The following ANKAR variants were observed in gnomAD, a reference collection of about 807,000 sequenced individuals.
ANKAR encodes the protein ankyrin and armadillo repeat containing, also known as ankyrin and armadillo repeat-containing protein.
Under a neutral mutation model 146.2 loss-of-function variants are expected in ANKAR, and 136 were observed. The observed-to-expected ratio is 0.93, with a 90% CI of 0.81 to 1.07. The LOEUF is 1.07. ANKAR is among the 50% of genes least tolerant of loss of function. ANKAR has a pLI of 0.00. For missense variants in ANKAR, 1,567 were observed against 1,679.9 expected (o/e 0.93, Z 1.18); for synonymous variants, 500 against 575.8 (o/e 0.87, Z 1.88).
At chr2:189,677,841 A>G (rs1339438547) in intron 2 of ANKAR, among the ~76,000 whole-genome samples, 1 of 151,996 alleles carries the variant, frequency 6.6e-6, no homozygotes, top group Non-Finnish European at 1.5e-5. Context: ...TCATTGGTTG[A>G]TGGGCCTTTA....
At position 189,705,130 on chromosome 2, in the gene ANKAR, C is replaced by A; in HGVS notation, c.1816C>A (p.Pro606Thr). 6.2e-7 allele frequency: 1 copy of A among 1,614,090 alleles called. No homozygotes were observed. The highest frequency in any genetic ancestry group is 8.5e-7 in the Non-Finnish European group (1 of 1,180,006). The change falls in exon 8 of 23, where the codon CCG becomes ACG. Residue 606 changes from proline (P) to threonine (T), a missense_variant. Coordinates refer to ENST00000684021, the MANE Select transcript of ANKAR (RefSeq NM_001378068.1). ...GCTTTCTGAAAAAAGAGGCTGGATGCCGATTCACTTTGCCGCTTTCTATGA... is the reference window on the plus strand; with the variant it reads ...GCTTTCTGAAAAAAGAGGCTGGATGACGATTCACTTTGCCGCTTTCTATGA... ...YTLSEKRGWM[P>T]IHFAAFYDNV...
At chr2:189,728,928 C>A in intron 15 of ANKAR, 107 bp downstream of exon 15, 1 of 1,089,150 alleles carries the variant, frequency 9.2e-7, no homozygotes, top group Non-Finnish European at 1.3e-6. Context: ...CTGTTTGAGC[C>A]CTAAATGGTA....
chr2:189,676,334 A>T lies in ANKAR; in HGVS notation c.-35-122A>T, dbSNP rs1024197188. 4.4e-5 allele frequency: 38 copies of T among 864,852 alleles called. No homozygotes were observed. In the African/African-American group the frequency reaches 6.1e-4, roughly 14 times the overall value. The allele number at this position is 864,852 out of a possible 1,614,324, so 53.6% of individuals were successfully genotyped here. A position where few individuals can be genotyped will look rare whatever the true frequency, so the allele number is the denominator to read the frequency against. ...CAGTTATTTTTAATTTGAAAACTAT[A>T]ATGGTTGACCATGAAAAATTAATCT... On this transcript the variant is annotated intron_variant, in intron 1 of 22. Coordinates refer to ENST00000684021, the MANE Select transcript of ANKAR (RefSeq NM_001378068.1).
rs140587096 is a variant in ANKAR at position 189,746,581 on chromosome 2, T to C, written c.4259T>C (p.Leu1420Pro). ...CCAAGAATAGTGTGTTTGAACCAAC[T>C]TGGGAAACATGTCCAGAAAGCCAAC... is the stretch of plus-strand genomic sequence containing the variant. ...SRPRIVCLNQ[L>P]GKHVQKANPE... is the part of the protein sequence containing the mutation. Residue 1420 changes from leucine to proline, a missense_variant, in exon 23 of 23, where the codon CTT (leucine) becomes CCT (proline). Leu to Pro is a moderately conservative substitution (Grantham distance 98). Transcript: ENST00000684021. The C allele has an allele frequency of 4.4e-4, 706 of 1,612,692 alleles. 7 individuals are homozygous for C. In the South Asian group the frequency reaches 4.9e-3, roughly 11 times the overall value.
intron 7 of ANKAR, among the ~76,000 whole-genome samples, chr2:189,704,301 C>T (rs528522180): frequency 1.7e-4 from 25 of 151,262 alleles, no homozygotes; most frequent in Admixed American, 7.2e-4. Flanking sequence ...ACCACCATGA[C>T]CAGTTAAATT....
At chr2:189,677,206 C>T in intron 2 of ANKAR, 115 bp downstream of exon 2, 1 of 1,053,654 alleles carries the variant, frequency 9.5e-7, no homozygotes, top group Non-Finnish European at 1.3e-6. Context: ...CCACCTAGGC[C>T]TCCCAAAGTG....
chr2:189,684,817 G>A (rs1331489274), intron 2 of ANKAR, among the ~76,000 whole-genome samples: 7 of 106,368 alleles, frequency 6.6e-5, no homozygotes, highest in Admixed American at 5.6e-4. Context: ...CTGGGTGACA[G>A]AGACCCTGTC....
intron 7 of ANKAR, among the ~76,000 whole-genome samples, chr2:189,703,461 A>G (rs2038386083): frequency 6.6e-6 from 1 of 152,162 alleles, no homozygotes; most frequent in African/African-American, 2.4e-5. Context: ...CATATCTCTC[A>G]CTGATTTAGG....
At chr2:189,695,671 G>A (rs1338037446) in intron 6 of ANKAR, among the ~76,000 whole-genome samples, 2 of 152,154 alleles carry the variant, frequency 1.3e-5, no homozygotes, top group Non-Finnish European at 2.9e-5. Flanking sequence ...AGCTTCAAAG[G>A]TTAGACTGGT....
At chr2:189,727,523 CAAA>C (rs777516459) in intron 12 of ANKAR, among the ~76,000 whole-genome samples, 1 of 58,906 alleles carries the variant, frequency 1.7e-5, no homozygotes. Flanking sequence ...AACCTTGTCT[CAAA>C]AAAAAAAAAA....
intron 16 of ANKAR, among the ~76,000 whole-genome samples, chr2:189,732,659 T>A (rs2042517451): frequency 7.9e-5 from 4 of 50,380 alleles, no homozygotes; most frequent in African/African-American, 1.5e-4. Flanking sequence ...AGACTCCATC[T>A]AAAAAAAAAA....
At chr2:189,678,140 G>C (rs1052662776) in intron 2 of ANKAR, among the ~76,000 whole-genome samples, 1 of 152,118 alleles carries the variant, frequency 6.6e-6, no homozygotes, top group Non-Finnish European at 1.5e-5. Flanking sequence ...CATTCTTGCG[G>C]GAGTAAGATG....
At chr2:189,746,352 G>C (rs772431463) in intron 22 of ANKAR, 28 bp from the exon 23 acceptor site, 1 of 1,580,066 alleles carries the variant, frequency 6.3e-7, no homozygotes, top group Non-Finnish European at 8.6e-7. Context: ...GCTCTCAGGA[G>C]AGACATTTAA....
Position 189,720,682 on chromosome 2 carries a change from A to G in ANKAR, c.2530A>G (p.Met844Val), listed in dbSNP as rs1366896244. Residue 844 changes from methionine (M) to valine (V), a missense_variant, in exon 12 of 23, where the codon ATG becomes GTG. By Grantham distance (21) the Met-to-Val change is conservative (BLOSUM62 1). Coordinates refer to ENST00000684021, the MANE Select transcript of ANKAR (RefSeq NM_001378068.1). ...LNIENVLVNV[M>V]NCIRVLCIGN... Reference sequence around the variant, plus strand: ...CATAGAAAATGTGCTAGTAAATGTAATGAACTGTATACGGGTATTGTGTAT... The same window carrying G: ...CATAGAAAATGTGCTAGTAAATGTAGTGAACTGTATACGGGTATTGTGTAT... 1.6e-5 allele frequency: 23 copies of G among 1,437,502 alleles called. No homozygotes were observed. The East Asian group carries it at 6.2e-4, about 39-fold the overall frequency. 89.0% of individuals were successfully genotyped at this position (1,437,502 alleles called of 1,614,324 possible).
intron 7 of ANKAR, among the ~76,000 whole-genome samples, chr2:189,701,798 A>G (rs2038095798): frequency 6.6e-6 from 1 of 152,174 alleles, no homozygotes; most frequent in Non-Finnish European, 1.5e-5. Context: ...CATCCCTGCC[A>G]TGTCTGGTTC....
At chr2:189,755,096 G>A in intron 18 of ANKAR, 1 of 1,475,158 alleles carries the variant, frequency 6.8e-7, no homozygotes, top group South Asian at 1.3e-5. Context: ...TAGGTGAATG[G>A]TGGTAGCACA....
At chr2:189,677,319 G>A (rs887243363) in intron 2 of ANKAR, among the ~76,000 whole-genome samples, 27 of 151,952 alleles carry the variant, frequency 1.8e-4, no homozygotes, top group African/African-American at 6.5e-4. Context: ...GTTTTTGGGG[G>A]AACAGGTGGT....
chr2:189,744,445 C>T (rs575469268), intron 21 of ANKAR, among the ~76,000 whole-genome samples: 2 of 152,196 alleles, frequency 1.3e-5, no homozygotes, highest in South Asian at 2.1e-4. Flanking sequence ...AAAAATATAC[C>T]CCTTTCTCAG....
downstream of ANKAR, chr2:189,750,782 G>A (rs1392482021): frequency 3.1e-6 from 2 of 635,368 alleles, no homozygotes; most frequent in African/African-American, 3.8e-5. Flanking sequence ...ATGTGGTGAT[G>A]ATTCTTAAAT....
Sources: allele counts gnomAD v4.1 joint callset (sites outside exome capture counted in the v4.1 genomes callset), GRCh38; gene constraint gnomAD v4.1.1; transcripts MANE v1.5; gene names NCBI Gene and HGNC (gene_info 2026-07-23, HGNC 2026-07-21).